Variants in ITPR1 observed in about 807,000 individuals in gnomAD.
ITPR1 encodes the protein inositol 1,4,5-trisphosphate receptor type 1.
Under a neutral mutation model 318.4 loss-of-function variants are expected in ITPR1, and 96 were observed. The ratio of observed to expected loss-of-function variants is 0.30; its 90% CI spans 0.26 to 0.36. The LOEUF is 0.36. Among genes scored for constraint, ITPR1 ranks in the 10% least tolerant of loss-of-function variants. The probability of loss-of-function intolerance (pLI) is 1.00; values close to 1 mark genes in which losing one functional copy is unlikely to be tolerated. For synonymous variants in ITPR1, 1,312 were observed against 1,289.9 expected, an observed-to-expected ratio of 1.02 and a Z score of -0.37; for missense variants, 2,440 against 3,460.2, an observed-to-expected ratio of 0.71 and a Z score of 7.40.
chr3:4,672,938 G>T (rs2094117028), intron 20 of ITPR1, among the ~76,000 whole-genome samples, 198 bp from the exon 21 acceptor site: 1 of 152,150 alleles, frequency 6.6e-6, no homozygotes, highest in Admixed American at 6.5e-5. Context: ...ACACTCTACT[G>T]CACAGCTTGA....
Position 4,847,033 on chromosome 3 carries a change from T to A in ITPR1, c.*808T>A, listed in dbSNP as rs890269349. On this transcript the variant is annotated 3_prime_UTR_variant, in exon 62 of 62. Coordinates refer to ENST00000649015, the MANE Select transcript of ITPR1 (RefSeq NM_001378452.1). ...AATGTTCAGGATAAATGCATACTGCTGGCCAATCAGTGTCATCTCCTGGGT... is the reference window on the plus strand; with the variant it reads ...AATGTTCAGGATAAATGCATACTGCAGGCCAATCAGTGTCATCTCCTGGGT... 2.6e-5 allele frequency: 4 copies of A among 152,644 alleles called. No individual in the cohort carries two copies. The East Asian group carries it at 7.7e-4, about 29-fold the overall frequency. The allele number at this position is 152,644 out of a possible 1,614,324, so 9.5% of individuals were successfully genotyped here. A position where few individuals can be genotyped will look rare whatever the true frequency, so the allele number is the denominator to read the frequency against.
At chr3:4,653,693 T>C (rs1183302199) in intron 11 of ITPR1, 149 bp from the exon 12 acceptor site, 1 of 610,578 alleles carries the variant, frequency 1.6e-6, no homozygotes, top group African/African-American at 1.8e-5. Flanking sequence ...TGTATCATTG[T>C]CGTGGCATGC....
At chr3:4,835,566 G>C (rs2050842499) in intron 60 of ITPR1, among the ~76,000 whole-genome samples, 1 of 118,766 alleles carries the variant, frequency 8.4e-6, no homozygotes, top group African/African-American at 3.2e-5. Flanking sequence ...TTCCGAGTGA[G>C]TGTGTGTGTG....
rs116247303 is a variant in ITPR1 at position 4,766,273 on chromosome 3, C to T, written c.5545-257C>T. ...TCTTAGTTGGCAACAGTCTGCCCACCACACTCGAGCATGCTCCCAAAGCCT... is the reference window on the plus strand; with the variant it reads ...TCTTAGTTGGCAACAGTCTGCCCACTACACTCGAGCATGCTCCCAAAGCCT... On this transcript the variant is annotated intron_variant, in intron 44 of 61. Coordinates refer to ENST00000649015, the MANE Select transcript of ITPR1 (RefSeq NM_001378452.1). Among the ~76,000 whole-genome samples, 750 of 152,294 alleles carry T rather than the reference C, an allele frequency of 4.9e-3. 5 individuals are homozygous for T. Among genetic ancestry groups the T allele is most frequent in the African/African-American group, 0.017 (696 of 41,552 alleles).
At chr3:4,714,814 G>A (rs367884924) in intron 39 of ITPR1, among the ~76,000 whole-genome samples, 20 of 152,184 alleles carry the variant, frequency 1.3e-4, no homozygotes, top group Non-Finnish European at 2.2e-4. Context: ...AAACTTTGGC[G>A]TGCCTGTTTG....
At chr3:4,741,112 A>G (rs974411461) in intron 44 of ITPR1, among the ~76,000 whole-genome samples, 1 of 152,150 alleles carries the variant, frequency 6.6e-6, no homozygotes, top group Non-Finnish European at 1.5e-5. Context: ...GCCTGGGGGA[A>G]GTTCCCTTCG....
chr3:4,762,351 C>T lies in ITPR1; in HGVS notation c.5545-4179C>T, dbSNP rs114150930. ...TAGTGATCTCATTGAACCTTCACAA[C>T]CATCCATGAAGTACGATTATTGCCC... On this transcript the variant is annotated intron_variant, in intron 44 of 61. Transcript: ENST00000649015. 8.0e-3 allele frequency among the ~76,000 whole-genome samples: 1,224 copies of T among 152,266 alleles called. 15 individuals are homozygous for T. Among genetic ancestry groups the T allele is most frequent in the African/African-American group, 0.028 (1,158 of 41,524 alleles).
At chr3:4,794,285 G>C (rs1464920173) in intron 52 of ITPR1, among the ~76,000 whole-genome samples, 3 of 152,180 alleles carry the variant, frequency 2.0e-5, no homozygotes, top group Non-Finnish European at 4.4e-5. Flanking sequence ...GGGATAACCT[G>C]TGGGCAGCGG....
chr3:4,563,583 C>T (rs1361495366), intron 4 of ITPR1, among the ~76,000 whole-genome samples: 1 of 152,168 alleles, frequency 6.6e-6, no homozygotes, highest in Non-Finnish European at 1.5e-5. Flanking sequence ...TTTTTATTAG[C>T]CACGTGAAGT....
intron 44 of ITPR1, among the ~76,000 whole-genome samples, chr3:4,761,489 G>A (rs1440773722): frequency 3.3e-5 from 5 of 152,038 alleles, no homozygotes; most frequent in Non-Finnish European, 7.4e-5. Flanking sequence ...TATGTACCAC[G>A]TTTTCTTTAC....
chr3:4,719,626 A>G (rs1167035134), intron 40 of ITPR1, among the ~76,000 whole-genome samples: 1 of 152,160 alleles, frequency 6.6e-6, no homozygotes, highest in Non-Finnish European at 1.5e-5. Context: ...TGAGGAAGGG[A>G]CGCCATGCTT....
In ITPR1 at chr3:4,791,898, A is replaced by G. The variant is rs150073982; in HGVS notation, c.6809-3167A>G. On this transcript the variant is annotated intron_variant, in intron 52 of 61. Coordinates refer to ENST00000649015, the MANE Select transcript of ITPR1 (RefSeq NM_001378452.1). ...GATGTATTTGTTGCCCATTGCTGCT[A>G]TAACAAATTACCACAAAGCTTGAAG... Among the ~76,000 whole-genome samples the G allele has an allele frequency of 2.2e-3, 335 of 152,360 alleles. 2 individuals carry two copies. The highest frequency in any genetic ancestry group is 4.1e-3 in the Non-Finnish European group (278 of 68,030).
intron 2 of ITPR1, among the ~76,000 whole-genome samples, chr3:4,514,268 T>C (rs2082035597): frequency 6.6e-6 from 1 of 152,132 alleles, no homozygotes; most frequent in Non-Finnish European, 1.5e-5. Flanking sequence ...AAGAGAACAT[T>C]TGTAAAGCAC....
chr3:4,541,560 A>G (rs576070554), intron 4 of ITPR1, among the ~76,000 whole-genome samples: 17 of 151,970 alleles, frequency 1.1e-4, no homozygotes, highest in Admixed American at 1.0e-3. Context: ...ATATTTGTTA[A>G]GTTCCTAGAT....
At chr3:4,720,799 G>GT (rs928712788) in intron 40 of ITPR1, among the ~76,000 whole-genome samples, 7 of 151,794 alleles carry the variant, frequency 4.6e-5, no homozygotes, top group African/African-American at 1.5e-4. Context: ...TCGAGGTAGA[G>GT]GGGGAAACAG....
intron 61 of ITPR1, among the ~76,000 whole-genome samples, chr3:4,840,975 T>C (rs1472373873): frequency 6.6e-6 from 1 of 152,246 alleles, no homozygotes. Flanking sequence ...CATTAGCATG[T>C]TACAGCATTT....
At chr3:4,708,888 T>C (rs2094813281) in intron 37 of ITPR1, among the ~76,000 whole-genome samples, 3 of 152,226 alleles carry the variant, frequency 2.0e-5, no homozygotes, top group South Asian at 2.1e-4. Flanking sequence ...CACTTAATGC[T>C]AGCATCTTTC....
chr3:4,648,592 T>C (rs2125165595), intron 10 of ITPR1, among the ~76,000 whole-genome samples: 1 of 152,310 alleles, frequency 6.6e-6, no homozygotes, highest in Middle Eastern at 3.4e-3. Context: ...GGCGGTTCAC[T>C]GAAGGTCAGG....
intron 53 of ITPR1, 115 bp downstream of exon 53, chr3:4,795,302 A>G (rs1431501679): frequency 2.3e-5 from 20 of 868,372 alleles, no homozygotes; most frequent in Non-Finnish European, 2.8e-5. Context: ...CCAGTTATCC[A>G]CATTCAGACA....
Sources: allele counts gnomAD v4.1 joint callset (sites outside exome capture counted in the v4.1 genomes callset), GRCh38; gene constraint gnomAD v4.1.1; transcripts MANE v1.5; gene names NCBI Gene and HGNC (gene_info 2026-07-23, HGNC 2026-07-21).